Variants in RB1 observed in about 807,000 individuals in gnomAD.
RB1 encodes RB transcriptional corepressor 1.
Under a neutral mutation model 135.4 loss-of-function variants are expected in RB1, and 18 were observed. That is an observed-to-expected ratio of 0.13 (90% CI 0.09 to 0.20). The LOEUF (loss-of-function observed/expected upper bound fraction) is 0.20. RB1 is among the 10% of genes least tolerant of loss of function. RB1 has a pLI of 1.00. For synonymous variants in RB1, 365 were observed against 373.2 expected (o/e 0.98, Z 0.25); for missense variants, 868 against 1,110.0 (o/e 0.78, Z 3.10).
At chr13:48,402,805 T>G (rs189776600) in intron 17 of RB1, among the ~76,000 whole-genome samples, 5 of 152,284 alleles carry the variant, frequency 3.3e-5, no homozygotes, top group Non-Finnish European at 4.4e-5. Flanking sequence ...TCAGGAAGTC[T>G]TATGAGACCA....
At chr13:48,324,874 G>GTT (rs1052818953) in intron 2 of RB1, among the ~76,000 whole-genome samples, 5 of 145,420 alleles carry the variant, frequency 3.4e-5, no homozygotes, top group African/African-American at 1.3e-4. Context: ...TTTTGTTTTT[G>GTT]TTTTTTTTTA....
intron 6 of RB1, among the ~76,000 whole-genome samples, chr13:48,354,445 T>C (rs1952573484): frequency 1.3e-5 from 2 of 151,792 alleles, no homozygotes. Context: ...ACCAAAAAAA[T>C]GGAAAAAAAT....
intron 7 of RB1, among the ~76,000 whole-genome samples, chr13:48,361,117 T>C (rs1302796910): frequency 6.6e-6 from 1 of 152,122 alleles, no homozygotes; most frequent in Non-Finnish European, 1.5e-5. Context: ...ACAAATATAC[T>C]TCAAATTTTC....
At chr13:48,339,610 C>A (rs1158798004) in intron 2 of RB1, among the ~76,000 whole-genome samples, 1 of 152,126 alleles carries the variant, frequency 6.6e-6, no homozygotes, top group African/African-American at 2.4e-5. Flanking sequence ...TCCGTGACCC[C>A]CTGTGCTTCC....
chr13:48,400,407 A>T (rs17071673), intron 17 of RB1, among the ~76,000 whole-genome samples: 8,353 of 152,166 alleles, frequency 0.055, 766 homozygotes, highest in African/African-American at 0.19. Flanking sequence ...GGTTCCAGAG[A>T]CTATACTTTT....
At chr13:48,320,188 C>A in intron 2 of RB1, 1 of 933,876 alleles carries the variant, frequency 1.1e-6, no homozygotes, top group Non-Finnish European at 1.6e-6. Flanking sequence ...AGCAACAAGA[C>A]CACAGGCAGG....
intron 2 of RB1, among the ~76,000 whole-genome samples, chr13:48,311,733 G>T (rs150597735): frequency 0.025 from 3,874 of 152,224 alleles, 74 homozygotes; most frequent in Middle Eastern, 0.051. Context: ...TTGAGATGGA[G>T]TCTTGCTCTG....
At chr13:48,413,986 A>T (rs1215351682) in intron 17 of RB1, among the ~76,000 whole-genome samples, 2 of 152,142 alleles carry the variant, frequency 1.3e-5, no homozygotes, top group Non-Finnish European at 1.5e-5. Flanking sequence ...ATATATTGAA[A>T]TATATTTCAG....
chr13:48,391,852 C>T (rs966034423), intron 17 of RB1, among the ~76,000 whole-genome samples: 7 of 152,044 alleles, frequency 4.6e-5, no homozygotes, highest in African/African-American at 4.8e-5. Context: ...CTCCTGACCT[C>T]GTGATTTGCC....
rs143449225 is a variant in RB1 at position 48,424,146 on chromosome 13, C to T, written c.1696-28847C>T. On this transcript the variant is annotated intron_variant, in intron 17 of 26. Coordinates refer to ENST00000267163, the MANE Select transcript of RB1 (RefSeq NM_000321.3). Reference sequence around the variant, plus strand: ...TATTTAGGTATAGAAACAAATAAACCTTTTTCAATTTGAGAAATGAACATT... The same window carrying T: ...TATTTAGGTATAGAAACAAATAAACTTTTTTCAATTTGAGAAATGAACATT... 395 of 152,434 alleles carry T rather than the reference C, an allele frequency of 2.6e-3. 1 individual carries two copies. Among genetic ancestry groups the T allele is most frequent in the African/African-American group, 9.1e-3 (376 of 41,448 alleles). The allele number at this position is 152,434 out of a possible 1,614,324, so 9.4% of individuals were successfully genotyped here. A position where few individuals can be genotyped will look rare whatever the true frequency, so the allele number is the denominator to read the frequency against.
intron 2 of RB1, chr13:48,316,980 AC>A (rs1952189890): frequency 2.3e-6 from 1 of 428,310 alleles, no homozygotes; most frequent in Non-Finnish European, 4.2e-6. Flanking sequence ...CCTATCGATG[AC>A]CCTTCGTCAA....
At chr13:48,320,704 GC>G (rs1248612314) in intron 2 of RB1, among the ~76,000 whole-genome samples, 4 of 152,096 alleles carry the variant, frequency 2.6e-5, no homozygotes, top group African/African-American at 9.7e-5. Flanking sequence ...GGTGGTGTGA[GC>G]CTGTAGTCCC....
rs1324739431 is a variant in RB1 at position 48,481,041 on chromosome 13, T to A, written c.*970T>A. ...AGACTGTTAATTATAGGAGCCTTAA[T>A]TTTTTTTTCATAGAGATTTGTCTAA... On this transcript the variant is annotated 3_prime_UTR_variant, in exon 27 of 27. Coordinates refer to ENST00000267163, the MANE Select transcript of RB1 (RefSeq NM_000321.3). 4.5e-6 allele frequency: 1 copy of A among 224,652 alleles called. No individual in the cohort carries two copies. The highest frequency in any genetic ancestry group is 8.9e-6 in the Non-Finnish European group (1 of 112,664). The allele number at this position is 224,652 out of a possible 1,614,324, so 13.9% of individuals were successfully genotyped here.
At position 48,381,654 on chromosome 13, in the gene RB1, A is replaced by C. The variant is rs186637217; in HGVS notation, c.1695+211A>C. ...ACCATCTAATACAGCACAGTGATTT[A>C]TTTAAGAATAGCTTTTCTTAAAACA... On this transcript the variant is annotated intron_variant, in intron 17 of 26. Transcript: ENST00000267163. 1.5e-3 allele frequency among the ~76,000 whole-genome samples: 235 copies of C among 152,360 alleles called. 1 individual carries two copies. The highest frequency in any genetic ancestry group is 5.3e-3 in the African/African-American group (221 of 41,584).
chr13:48,426,793 T>C (rs1185991177), intron 17 of RB1: 1 of 152,212 alleles, frequency 6.6e-6, no homozygotes, highest in Non-Finnish European at 1.5e-5. Flanking sequence ...CGTTCTTGCA[T>C]TGCTGTAAAG....
chr13:48,473,424 T>A, intron 24 of RB1, 34 bp downstream of exon 24: 1 of 1,501,188 alleles, frequency 6.7e-7, no homozygotes, highest in South Asian at 1.1e-5. Flanking sequence ...TATAATAGTA[T>A]GCATTGTAAG....
At chr13:48,337,590 A>G (rs1207694125) in intron 2 of RB1, among the ~76,000 whole-genome samples, 3 of 151,922 alleles carry the variant, frequency 2.0e-5, no homozygotes, top group African/African-American at 7.3e-5. Flanking sequence ...CGTGAGATGG[A>G]TCTCCTGAAT....
intron 17 of RB1, among the ~76,000 whole-genome samples, chr13:48,402,918 T>G (rs1948706033): frequency 6.6e-6 from 1 of 152,138 alleles, no homozygotes; most frequent in African/African-American, 2.4e-5. Context: ...TGCTAAGTCT[T>G]AAGTAGTATT....
intron 17 of RB1, among the ~76,000 whole-genome samples, chr13:48,440,504 C>T (rs1949226695): frequency 6.6e-6 from 1 of 152,106 alleles, no homozygotes; most frequent in South Asian, 2.1e-4. Context: ...GCCTGATGGG[C>T]ACATGATCCA....
Sources: allele counts gnomAD v4.1 joint callset (sites outside exome capture counted in the v4.1 genomes callset), GRCh38; gene constraint gnomAD v4.1.1; transcripts MANE v1.5; gene names NCBI Gene and HGNC (gene_info 2026-07-23, HGNC 2026-07-21).